RPS6KA6: variants seen among roughly 807,000 people sequenced by gnomAD.
RPS6KA6 encodes the protein ribosomal protein S6 kinase A6, also known as ribosomal protein S6 kinase alpha-6.
In RPS6KA6, 27 loss-of-function variants were observed where a neutral mutation model predicts 65.4. That is an observed-to-expected ratio of 0.41 (90% CI 0.30 to 0.57). RPS6KA6 has a LOEUF of 0.57. Among genes scored for constraint, RPS6KA6 ranks in the 20% least tolerant of loss-of-function variants. The probability of loss-of-function intolerance (pLI) is 0.24; values close to 1 mark genes in which losing one functional copy is unlikely to be tolerated. For missense variants in RPS6KA6, 486 were observed against 555.6 expected, an observed-to-expected ratio of 0.87 and a Z score of 1.26; for synonymous variants, 190 against 184.2, an observed-to-expected ratio of 1.03 and a Z score of -0.26.
At chrX:84,073,824 TA>T (rs752669105) in intron 20 of RPS6KA6, among the ~76,000 whole-genome samples, 2 of 110,178 alleles carry the variant, frequency 1.8e-5, no homozygotes, top group South Asian at 7.7e-4. Context: ...ATCAAAACCA[TA>T]ATGGGATATT....
At chrX:84,157,929 C>G (rs1401630767) in intron 2 of RPS6KA6, among the ~76,000 whole-genome samples, 1 of 109,317 alleles carries the variant, frequency 9.1e-6, no homozygotes, top group Admixed American at 1.0e-4. Context: ...CAATTTTCAG[C>G]AGCAGTACTC....
Position 84,187,976 on chromosome X carries a change from CCG to C in RPS6KA6, c.-79_-78del. ...CGCGCATCCTGTCTATTGAACTGGC[CCG>C]CCGCCGCCGCCGCCGCCGCCGCCGC... On this transcript the variant is annotated 5_prime_UTR_variant, in exon 1 of 22. Coordinates refer to ENST00000262752, the MANE Select transcript of RPS6KA6 (RefSeq NM_014496.5). 2 of 248,191 alleles carry C rather than the reference CCG, an allele frequency of 8.1e-6. No individual in the cohort carries two copies. The highest frequency in any genetic ancestry group is 1.2e-5 in the Non-Finnish European group (2 of 172,886). The allele number at this position is 248,191 out of a possible 1,213,427, so 20.5% of individuals were successfully genotyped here.
At chrX:84,181,753 C>G (rs2035856605) in intron 1 of RPS6KA6, among the ~76,000 whole-genome samples, 1 of 109,987 alleles carries the variant, frequency 9.1e-6, no homozygotes, top group Admixed American at 9.8e-5. Flanking sequence ...AACACACAGC[C>G]AGAGTTGAGA....
intron 20 of RPS6KA6, among the ~76,000 whole-genome samples, chrX:84,081,113 G>T (rs1223807239): frequency 9.0e-6 from 1 of 111,337 alleles, no homozygotes. Flanking sequence ...CAGAAGACAA[G>T]AAATAACTAA....
In RPS6KA6 at chrX:84,156,031, A is replaced by T. The variant is rs756140539; in HGVS notation, c.258+44T>A. On this transcript the variant is annotated intron_variant, in intron 3 of 21. Transcript: ENST00000262752. ...ACGTATGTGTTCACTTTTTTTGCTA[A>T]ATGTTTAGAAGAGGAACAAATGGGG... The T allele has an allele frequency of 5.3e-6, 4 of 757,656 alleles. No homozygotes were observed. The Admixed American group carries it at 7.3e-5, about 14-fold the overall frequency. The allele number at this position is 757,656 out of a possible 1,213,427, so 62.4% of individuals were successfully genotyped here. A position where few individuals can be genotyped will look rare whatever the true frequency, so the allele number is the denominator to read the frequency against.
Position 84,107,670 on chromosome X carries a change from T to A in RPS6KA6, c.1064A>T (p.Asp355Val). 8.3e-7 allele frequency: 1 copy of A among 1,204,168 alleles called. No individual in the cohort carries two copies. Among genetic ancestry groups the A allele is most frequent in the South Asian group, 1.8e-5 (1 of 55,544 alleles). The change falls in exon 13 of 22, where the codon GAT becomes GTT. Residue 355 changes from aspartate (D) to valine (V), a missense_variant. Physicochemically the swap from Asp to Val is radical, Grantham distance 152. Transcript: ENST00000262752. The part of the protein sequence containing the change: ...PPFKPASGKP[D>V]DTFCFDPEFT... ...TTCAGGATCAAAACAAAAAGTATCA[T>A]CTGGTTTTCCAGAAGCAGGTTTGAA...
At chrX:84,104,441 A>G in intron 17 of RPS6KA6, 58 bp downstream of exon 17, 3 of 825,601 alleles carry the variant, frequency 3.6e-6, no homozygotes, top group Non-Finnish European at 4.9e-6. Context: ...ATCATCTCCT[A>G]TATTTTCATG....
intron 18 of RPS6KA6, among the ~76,000 whole-genome samples, chrX:84,098,099 G>A (rs1365790352): frequency 3.6e-5 from 4 of 111,088 alleles, no homozygotes; most frequent in Non-Finnish European, 7.6e-5. Flanking sequence ...ACTATATACA[G>A]TACTAAGGCT....
intron 1 of RPS6KA6, chrX:84,187,473 A>G: frequency 5.6e-6 from 1 of 179,743 alleles, no homozygotes. Flanking sequence ...GGCGCGGCGG[A>G]GAAAAAGGGA....
intron 3 of RPS6KA6, 128 bp from the exon 4 acceptor site, chrX:84,148,251 A>C: frequency 2.5e-6 from 1 of 400,534 alleles, no homozygotes; most frequent in Non-Finnish European, 4.3e-6. Context: ...ATGCCTTCCC[A>C]TAGAGGGAAG....
intron 6 of RPS6KA6, among the ~76,000 whole-genome samples, chrX:84,136,156 A>C (rs1425111575): frequency 8.9e-6 from 1 of 111,796 alleles, no homozygotes; most frequent in Non-Finnish European, 1.9e-5. Flanking sequence ...ACTGGACACT[A>C]ATCAGCCATT....
chrX:84,064,894 G>A (rs966682708), intron 21 of RPS6KA6, 77 bp downstream of exon 21: 33 of 730,289 alleles, frequency 4.5e-5, no homozygotes, highest in Non-Finnish European at 6.3e-5. Flanking sequence ...TTATTTAAGT[G>A]TCATCAGCAA....
At chrX:84,182,063 T>TCA (rs760743646) in intron 1 of RPS6KA6, among the ~76,000 whole-genome samples, 65 of 32,787 alleles carry the variant, frequency 2.0e-3, no homozygotes, top group African/African-American at 3.8e-3. Flanking sequence ...TCTCTCTCTC[T>TCA]CACACACACA....
At chrX:84,069,165 A>C (rs2033474425) in intron 20 of RPS6KA6, among the ~76,000 whole-genome samples, 1 of 112,085 alleles carries the variant, frequency 8.9e-6, no homozygotes, top group South Asian at 3.7e-4. Context: ...TTCAAACTAT[A>C]CTACAAGGCT....
At chrX:84,069,823 T>C (rs940390758) in intron 20 of RPS6KA6, among the ~76,000 whole-genome samples, 4 of 112,507 alleles carry the variant, frequency 3.6e-5, no homozygotes, top group Admixed American at 9.4e-5. Context: ...TCATCATCAC[T>C]GCTCATTAGA....
chrX:84,168,994 C>T (rs990399723), intron 1 of RPS6KA6, among the ~76,000 whole-genome samples: 9 of 111,993 alleles, frequency 8.0e-5, no homozygotes, highest in Admixed American at 9.5e-5. Flanking sequence ...CTTTCATCCA[C>T]ATAAAAACAA....
At chrX:84,137,372 G>T (rs907659785) in intron 6 of RPS6KA6, among the ~76,000 whole-genome samples, 4 of 110,856 alleles carry the variant, frequency 3.6e-5, no homozygotes, top group African/African-American at 1.3e-4. Context: ...TTGACATTTA[G>T]GTTATTTCCA....
At chrX:84,164,417 C>G in intron 1 of RPS6KA6, 30 bp from the exon 2 acceptor site, 2 of 1,057,387 alleles carry the variant, frequency 1.9e-6, no homozygotes, top group Non-Finnish European at 2.6e-6. Flanking sequence ...AATTGAGGTT[C>G]AAAAGTATTA....
chrX:84,106,875 C>T, intron 14 of RPS6KA6, 35 bp downstream of exon 14: 1 of 1,083,691 alleles, frequency 9.2e-7, no homozygotes, highest in African/African-American at 1.9e-5. Context: ...AAATAATTAT[C>T]CCAAAACTGA....
Sources: allele counts gnomAD v4.1 joint callset (sites outside exome capture counted in the v4.1 genomes callset), GRCh38; gene constraint gnomAD v4.1.1; transcripts MANE v1.5; gene names NCBI Gene and HGNC (gene_info 2026-07-23, HGNC 2026-07-21).